Variants in CPNE5 observed in about 807,000 individuals in gnomAD.
CPNE5 encodes the protein copine 5.
CPNE5 carries 42 observed loss-of-function variants against 81.1 expected under a neutral mutation model. That is an observed-to-expected ratio of 0.52 (90% CI 0.40 to 0.67). The LOEUF is 0.67. Ranked by LOEUF, CPNE5 falls within the 30% of genes least tolerant of loss-of-function variation. CPNE5 has a pLI of 0.00. For missense variants in CPNE5, 612 were observed against 815.5 expected (o/e 0.75, Z 3.04); for synonymous variants, 313 against 321.5 (o/e 0.97, Z 0.28).
At chr6:36,747,254 C>CA (rs34868004) in intron 15 of CPNE5, among the ~76,000 whole-genome samples, 41,668 of 134,986 alleles carry the variant, frequency 0.31, 5,883 homozygotes, top group Non-Finnish European at 0.37. Flanking sequence ...GCTTGATTTC[C>CA]CCCCCCAGAG....
At chr6:36,808,435 C>T (rs1770795625) in intron 3 of CPNE5, among the ~76,000 whole-genome samples, 1 of 152,274 alleles carries the variant, frequency 6.6e-6, no homozygotes, top group South Asian at 2.1e-4. Flanking sequence ...TCTTCCTCCT[C>T]ATCACCCACC....
At chr6:36,764,864 C>T (rs1487429453) in intron 11 of CPNE5, among the ~76,000 whole-genome samples, 1 of 152,146 alleles carries the variant, frequency 6.6e-6, no homozygotes, top group African/African-American at 2.4e-5. Flanking sequence ...GGCCTCCCTG[C>T]TAGGTTGTGG....
intron 14 of CPNE5, 118 bp downstream of exon 14, chr6:36,752,916 C>G: frequency 1.3e-6 from 1 of 788,240 alleles, no homozygotes. Context: ...GAGCCCAGCA[C>G]CACAGCCTTC....
At chr6:36,804,164 G>A (rs1437980359) in intron 3 of CPNE5, among the ~76,000 whole-genome samples, 1 of 152,162 alleles carries the variant, frequency 6.6e-6, no homozygotes, top group Non-Finnish European at 1.5e-5. Context: ...CCTAAACCCA[G>A]GTATATCTAA....
intron 3 of CPNE5, among the ~76,000 whole-genome samples, chr6:36,818,919 G>T (rs1771800310): frequency 6.6e-6 from 1 of 152,164 alleles, no homozygotes; most frequent in Non-Finnish European, 1.5e-5. Flanking sequence ...ACGAGGACAT[G>T]AACACATTCC....
chr6:36,835,760 C>T (rs1173348962), intron 1 of CPNE5, among the ~76,000 whole-genome samples: 1 of 151,458 alleles, frequency 6.6e-6, no homozygotes, highest in Non-Finnish European at 1.5e-5. Flanking sequence ...CGCGCCTTTG[C>T]ACTCCAGCAC....
At chr6:36,754,214 CTT>C (rs148737317) in intron 13 of CPNE5, 78,030 of 140,600 alleles carry the variant, frequency 0.55, 21,434 homozygotes, top group Non-Finnish European at 0.6. Context: ...CAGAGATCTT[CTT>C]TTTTTTTTTT....
chr6:36,813,138 CTTCCTGCTTCTGCCCTT>C (rs2150566060), intron 3 of CPNE5, among the ~76,000 whole-genome samples: 1 of 152,366 alleles, frequency 6.6e-6, no homozygotes, highest in East Asian at 1.9e-4. Context: ...TGCAAATTAT[CTTCCTGCTTCTGCCCTT>C]TCCCCTGCAG....
chr6:36,753,707 C>T (rs1413735685), intron 13 of CPNE5, among the ~76,000 whole-genome samples: 1 of 152,206 alleles, frequency 6.6e-6, no homozygotes, highest in East Asian at 1.9e-4. Flanking sequence ...CCCCAGGCCC[C>T]CTCCCCCAAG....
In CPNE5 at chr6:36,798,184, G is replaced by A. The variant is rs758788529; in HGVS notation, c.385C>T (p.Arg129Cys). The A allele has an allele frequency of 2.1e-5, 34 of 1,613,626 alleles. No homozygotes were observed. Among genetic ancestry groups the A allele is most frequent in the Admixed American group, 8.3e-5 (5 of 59,962 alleles). The change falls in exon 6 of 21, where the codon CGC becomes TGC. Residue 129 changes from arginine (R) to cysteine (C), a missense_variant. Physicochemically the swap from Arg to Cys is radical, Grantham distance 180. Transcript: ENST00000244751. ...ACTCACGTGAGGGGCTTTTCCAGGC[G>A]GCTCCCAGGGGACCCCACAATCTCT... ...LGEIVGSPGS[R>C]LEKPLTIGAF...
At position 36,742,750 on chromosome 6, in the gene CPNE5, G is replaced by A. The variant is rs1421225684; in HGVS notation, c.1564-264C>T. 4 of 985,366 alleles carry A rather than the reference G, an allele frequency of 4.1e-6. No individual in the cohort carries two copies. The East Asian group carries it at 4.5e-4, about 112-fold the overall frequency. 61.0% of individuals were successfully genotyped at this position (985,366 alleles called of 1,614,324 possible). ...CACACCAGGACACACCACTGAACAC[G>A]ATTTCTCCACCTCGGCACTAAGCAC... On this transcript the variant is annotated intron_variant, in intron 20 of 20. Transcript: ENST00000244751.
In CPNE5 at chr6:36,822,093, G is replaced by A. The variant is rs376728551; in HGVS notation, c.183+21C>T. The A allele has an allele frequency of 9.2e-6, 14 of 1,523,870 alleles. No individual in the cohort carries two copies. In the African/African-American group the frequency reaches 1.9e-4, roughly 21 times the overall value. The allele number at this position is 1,523,870 out of a possible 1,614,324, so 94.4% of individuals were successfully genotyped here. ...ACAGGAACAGGCTGGTGTTTCTGGTGTGGGAAGGAGCTGCACCTACCTCCC... is the reference window on the plus strand; with the variant it reads ...ACAGGAACAGGCTGGTGTTTCTGGTATGGGAAGGAGCTGCACCTACCTCCC... On this transcript the variant is annotated intron_variant, in intron 3 of 20. Coordinates refer to ENST00000244751, the MANE Select transcript of CPNE5 (RefSeq NM_020939.2).
chr6:36,799,129 T>TTCCCCCCCC (rs1769873332), intron 4 of CPNE5, among the ~76,000 whole-genome samples: 1 of 151,934 alleles, frequency 6.6e-6, no homozygotes, highest in African/African-American at 2.4e-5. Flanking sequence ...CCCCAGCATC[T>TTCCCCCCCC]CCCACCCACC....
At chr6:36,780,165 G>A (rs1767912137) in intron 8 of CPNE5, among the ~76,000 whole-genome samples, 2 of 152,014 alleles carry the variant, frequency 1.3e-5, no homozygotes, top group African/African-American at 2.4e-5. Context: ...GGGTTTCACT[G>A]TGTTAGCCAA....
At chr6:36,792,600 C>A (rs886275313) in intron 7 of CPNE5, among the ~76,000 whole-genome samples, 10 of 152,216 alleles carry the variant, frequency 6.6e-5, no homozygotes, top group Non-Finnish European at 1.5e-4. Context: ...CTTGCCCAGG[C>A]TCCTTCCCAT....
chr6:36,807,019 GT>G (rs1420058340), intron 3 of CPNE5, among the ~76,000 whole-genome samples: 3 of 152,228 alleles, frequency 2.0e-5, no homozygotes, highest in Non-Finnish European at 2.9e-5. Flanking sequence ...AAGAGTCAGG[GT>G]TTGAGGCTCC....
At chr6:36,754,027 G>T (rs1317612156) in intron 13 of CPNE5, among the ~76,000 whole-genome samples, 3 of 152,100 alleles carry the variant, frequency 2.0e-5, no homozygotes, top group Non-Finnish European at 4.4e-5. Flanking sequence ...TGTGGTTAAG[G>T]TATTAGGCAC....
chr6:36,776,811 G>T (rs1767548788), intron 9 of CPNE5, among the ~76,000 whole-genome samples: 1 of 152,142 alleles, frequency 6.6e-6, no homozygotes, highest in Non-Finnish European at 1.5e-5. Flanking sequence ...TGTGGCTGGT[G>T]TGACAGTTCC....
In CPNE5 at chr6:36,768,225, C is replaced by CTTTTTTTTT. The variant is rs10586762; in HGVS notation, c.738-2858_738-2850dup. Among the ~76,000 whole-genome samples the CTTTTTTTTT allele has an allele frequency of 1.1e-3, 64 of 60,420 alleles. 4 individuals carry two copies. The highest frequency in any genetic ancestry group is 2.8e-3 in the African/African-American group (44 of 15,684). The allele number at this position is 60,420 out of a possible 152,430, so 39.6% of individuals were successfully genotyped here. A position where few individuals can be genotyped will look rare whatever the true frequency, so the allele number is the denominator to read the frequency against. ...GGCTTTGACTACTCTATTCACAGTT[C>CTTTTTTTTT]TTTTTTTTTTTTTTTTTTTTTTTTT... On this transcript the variant is annotated intron_variant, in intron 10 of 20. Transcript: ENST00000244751.
Sources: allele counts gnomAD v4.1 joint callset (sites outside exome capture counted in the v4.1 genomes callset), GRCh38; gene constraint gnomAD v4.1.1; transcripts MANE v1.5; gene names NCBI Gene and HGNC (gene_info 2026-07-23, HGNC 2026-07-21).